COL14A1: variants seen among roughly 807,000 people sequenced by gnomAD.
COL14A1 encodes collagen alpha-1(XIV) chain.
Under a neutral mutation model 230.3 loss-of-function variants are expected in COL14A1, and 136 were observed. The observed-to-expected ratio is 0.59, with a 90% CI of 0.51 to 0.68. The LOEUF is 0.68. COL14A1 is among the 30% of genes least tolerant of loss of function. The pLI is 0.00. For synonymous variants in COL14A1, 792 were observed against 784.1 expected (o/e 1.01, Z -0.17); for missense variants, 1,976 against 2,215.8 (o/e 0.89, Z 2.17).
At position 120,250,689 on chromosome 8, in the gene COL14A1, G is replaced by T; in HGVS notation, c.2675G>T (p.Gly892Val). ...NTILITNLLS[G>V]MDYNVKIFAS... ...ATCCTTATCACAAACCTCCTCAGCG[G>T]AATGGACTACAATGTGAAGATATTT... Residue 892 changes from glycine to valine, a missense_variant, in exon 22 of 48, where the codon GGA becomes GTA. Around this residue, in one of 3 missense-constraint regions of COL14A1, gnomAD observed 1,791 missense variants for 2,019.5 expected, o/e 0.89. Transcript: ENST00000297848. The T allele has an allele frequency of 6.2e-7, 1 of 1,614,212 alleles. No homozygotes were observed.
At chr8:120,218,242 A>C (rs1449013353) in intron 14 of COL14A1, among the ~76,000 whole-genome samples, 1 of 130,612 alleles carries the variant, frequency 7.7e-6, no homozygotes, top group Non-Finnish European at 1.6e-5. Context: ...ATATAAATAT[A>C]AATATATAAG....
intron 1 of COL14A1, among the ~76,000 whole-genome samples, chr8:120,125,558 C>T (rs928208640): frequency 6.6e-6 from 1 of 152,024 alleles, no homozygotes; most frequent in Non-Finnish European, 1.5e-5. Flanking sequence ...AGATTAGAGG[C>T]ATTGGGTGAT....
intron 18 of COL14A1, 106 bp downstream of exon 18, chr8:120,228,875 C>G (rs1405349272): frequency 1.0e-6 from 1 of 989,258 alleles, no homozygotes; most frequent in Admixed American, 2.0e-5. Context: ...AGATGACCCT[C>G]CCTTCCTTTT....
chr8:120,292,555 C>G (rs901511630), intron 34 of COL14A1, among the ~76,000 whole-genome samples: 1 of 152,046 alleles, frequency 6.6e-6, no homozygotes, highest in South Asian at 2.1e-4. Context: ...AGGGATATTA[C>G]TTAATCATTT....
chr8:120,332,272 G>T, intron 41 of COL14A1, 78 bp downstream of exon 41: 1 of 1,378,484 alleles, frequency 7.3e-7, no homozygotes, highest in South Asian at 1.2e-5. Context: ...TCTTTTGCCA[G>T]ATCTTTTACC....
intron 4 of COL14A1, among the ~76,000 whole-genome samples, chr8:120,167,549 G>T (rs1446950329): frequency 6.6e-6 from 1 of 152,178 alleles, no homozygotes; most frequent in Non-Finnish European, 1.5e-5. Flanking sequence ...AGGTTGATAT[G>T]AATTTATTAA....
chr8:120,280,902 A>G lies in COL14A1; in HGVS notation c.3686-19A>G. Reference sequence around the variant, plus strand: ...TATTCCTTATGTTTATTCTTTTTCTACTTTTTTTTTTTTTTTAGGATTTAA... The same window carrying G: ...TATTCCTTATGTTTATTCTTTTTCTGCTTTTTTTTTTTTTTTAGGATTTAA... On this transcript the variant is annotated intron_variant, in intron 30 of 47. Transcript: ENST00000297848. 1 of 1,328,544 alleles carries G rather than the reference A, an allele frequency of 7.5e-7. No individual in the cohort carries two copies. The highest frequency in any genetic ancestry group is 1.4e-5 in the South Asian group (1 of 71,456). 82.3% of individuals were successfully genotyped at this position (1,328,544 alleles called of 1,614,324 possible).
chr8:120,141,416 C>T (rs1042527888), intron 1 of COL14A1, among the ~76,000 whole-genome samples: 4 of 151,918 alleles, frequency 2.6e-5, no homozygotes, highest in Non-Finnish European at 4.4e-5. Flanking sequence ...TGTGGTGGCA[C>T]ATGCCTATAG....
At chr8:120,193,689 T>C (rs1362135281) in intron 5 of COL14A1, among the ~76,000 whole-genome samples, 3 of 152,118 alleles carry the variant, frequency 2.0e-5, no homozygotes, top group South Asian at 4.1e-4. Flanking sequence ...CCTTGAGCTG[T>C]AGTGGGCTCC....
chr8:120,207,768 G>T (rs1586766554), intron 10 of COL14A1, among the ~76,000 whole-genome samples: 1 of 150,762 alleles, frequency 6.6e-6, no homozygotes, highest in Admixed American at 6.6e-5. Flanking sequence ...ACAATGTTCT[G>T]TGTTATGGTA....
chr8:120,243,929 T>C lies in COL14A1; in HGVS notation c.2400T>C (p.Pro800=). 6.2e-7 allele frequency: 1 copy of C among 1,613,686 alleles called. No homozygotes were observed. The highest frequency in any genetic ancestry group is 8.5e-7 in the Non-Finnish European group (1 of 1,179,674). ...ACCTCCTTCTGAAGCCTCTGCTTCC[T>C]GATACTGAATACAAAGTCACAGTGA... ...QNNLLLKPLL[P]DTEYKVTVTP... is the part of the protein sequence containing the mutation. Residue 800 remains proline (P), a synonymous_variant, in exon 20 of 48, where the codon CCT becomes CCC. Coordinates refer to ENST00000297848, the MANE Select transcript of COL14A1 (RefSeq NM_021110.4).
chr8:120,185,116 G>T (rs937090183), intron 5 of COL14A1, among the ~76,000 whole-genome samples: 4 of 152,148 alleles, frequency 2.6e-5, no homozygotes, highest in Non-Finnish European at 5.9e-5. Context: ...CATCTGTCAG[G>T]GAGGCTTTGA....
intron 4 of COL14A1, among the ~76,000 whole-genome samples, chr8:120,167,257 C>A (rs1815930942): frequency 1.3e-5 from 2 of 152,076 alleles, no homozygotes; most frequent in Non-Finnish European, 2.9e-5. Context: ...ATGAATGGAA[C>A]AATATCCTGG....
At chr8:120,234,367 G>A (rs1483631442) in intron 19 of COL14A1, among the ~76,000 whole-genome samples, 1 of 152,172 alleles carries the variant, frequency 6.6e-6, no homozygotes, top group Non-Finnish European at 1.5e-5. Context: ...GGAGTGGTGA[G>A]ATAGGGCATC....
chr8:120,319,952 A>T (rs560038400), intron 40 of COL14A1, among the ~76,000 whole-genome samples: 2 of 152,294 alleles, frequency 1.3e-5, no homozygotes, highest in Admixed American at 1.3e-4. Context: ...TGCACTGTAA[A>T]TCTTGTCACT....
intron 45 of COL14A1, among the ~76,000 whole-genome samples, chr8:120,346,041 T>C (rs1822497875): frequency 6.6e-6 from 1 of 152,338 alleles, no homozygotes; most frequent in Non-Finnish European, 1.5e-5. Flanking sequence ...GAGTCATGAA[T>C]TGTATCAGCA....
In COL14A1 at chr8:120,244,019, C is replaced by T. The variant is rs548410123; in HGVS notation, c.2479+11C>T. 17 of 1,608,642 alleles carry T rather than the reference C, an allele frequency of 1.1e-5. No homozygotes were observed. Among genetic ancestry groups the T allele is most frequent in the Non-Finnish European group, 1.2e-5 (14 of 1,177,514 alleles). ...CTCCTGGAAAAACCTGTAAGTGAAG[C>T]TTTCTCCCTTTGAATACAAGCCGAC... is the stretch of plus-strand genomic sequence containing the variant. On this transcript the variant is annotated intron_variant, in intron 20 of 47. Transcript: ENST00000297848.
At position 120,166,922 on chromosome 8, in the gene COL14A1, G is replaced by GTGTGT. The variant is rs1217998586; in HGVS notation, c.350-1239_350-1238insTGTGT. Among the ~76,000 whole-genome samples, 134 of 134,416 alleles carry GTGTGT rather than the reference G, an allele frequency of 1.0e-3. 1 individual carries two copies. Among genetic ancestry groups the GTGTGT allele is most frequent in the African/African-American group, 1.6e-3 (55 of 34,268 alleles). The allele number at this position is 134,416 out of a possible 152,430, so 88.2% of individuals were successfully genotyped here. A position where few individuals can be genotyped will look rare whatever the true frequency, so the allele number is the denominator to read the frequency against. ...TGTGTGTGTGTGTGTGTGTGTGTGT[G>GTGTGT]GTGGTGATGATGGTGGTGGTGGGGG... On this transcript the variant is annotated intron_variant, in intron 4 of 47. Coordinates refer to ENST00000297848, the MANE Select transcript of COL14A1 (RefSeq NM_021110.4).
chr8:120,154,649 C>T (rs1328726983), intron 2 of COL14A1, among the ~76,000 whole-genome samples: 2 of 152,104 alleles, frequency 1.3e-5, no homozygotes, highest in Non-Finnish European at 2.9e-5. Context: ...TTCCTCTGGG[C>T]TCTTGGTGTG....
Sources: gnomAD v4.1 joint callset for allele counts (sites outside exome capture counted in the v4.1 genomes callset) on GRCh38, gnomAD v4.1.1 for gene constraint, gnomAD v4.1.1 regional missense constraint, MANE v1.5 for transcripts, NCBI Gene and HGNC (gene_info 2026-07-23, HGNC 2026-07-21) for gene names.